Variants in MAST2 observed in about 807,000 individuals in gnomAD.
The protein encoded by MAST2 is microtubule associated serine/threonine kinase 2, also known as microtubule-associated serine/threonine-protein kinase 2.
A neutral mutation model predicts 147.4 loss-of-function variants in MAST2; 70 were observed. That is an observed-to-expected ratio of 0.47 (90% CI 0.39 to 0.58). The LOEUF is 0.58. MAST2 is among the 20% of genes least tolerant of loss of function. MAST2 has a pLI of 0.00. For missense variants in MAST2, 2,080 were observed against 2,302.3 expected (o/e 0.90, Z 1.98); for synonymous variants, 869 against 896.8 (o/e 0.97, Z 0.55).
chr1:45,836,239 C>G (rs1645098082), intron 3 of MAST2, among the ~76,000 whole-genome samples: 1 of 152,222 alleles, frequency 6.6e-6, no homozygotes, highest in Non-Finnish European at 1.5e-5. Context: ...TCCAGTTTCA[C>G]TGCATCCTTG....
chr1:45,896,565 G>A (rs1444461057), intron 4 of MAST2, among the ~76,000 whole-genome samples: 2 of 152,094 alleles, frequency 1.3e-5, no homozygotes, highest in African/African-American at 4.8e-5. Flanking sequence ...GGTGTAGGGT[G>A]GAACTCTCTC....
intron 3 of MAST2, among the ~76,000 whole-genome samples, chr1:45,849,715 A>G (rs952818852): frequency 5.9e-5 from 9 of 152,176 alleles, no homozygotes; most frequent in African/African-American, 2.2e-4. Context: ...TTTAGTAGAG[A>G]TGGGGTTTCA....
chr1:45,905,667 T>G (rs1462107681), intron 4 of MAST2, among the ~76,000 whole-genome samples: 1 of 151,888 alleles, frequency 6.6e-6, no homozygotes, highest in Non-Finnish European at 1.5e-5. Context: ...TCCCAGCTAC[T>G]TGGGAGGCTG....
intron 4 of MAST2, among the ~76,000 whole-genome samples, chr1:45,896,042 A>AT (rs71062724): frequency 1.5e-5 from 2 of 129,342 alleles, no homozygotes; most frequent in Non-Finnish European, 1.7e-5. Context: ...TATTTCTTAG[A>AT]TTTTTTTTTT....
Position 46,023,226 on chromosome 1 carries a change from C to T in MAST2, c.1486-7C>T, listed in dbSNP as rs1452920738. ...GCCTGTCTCCTGCCTTTTCCCTTGT[C>T]TTCCAGGGCCATGGGGCATCTCTGC... On this transcript the variant is annotated splice_polypyrimidine_tract_variant and splice_region_variant and intron_variant, in intron 13 of 28. Transcript: ENST00000361297. The surrounding 1 kb of genome is among the most constrained non-coding windows in gnomAD (Gnocchi z 4.9). 1.2e-6 allele frequency: 2 copies of T among 1,613,386 alleles called. No individual in the cohort carries two copies. The highest frequency in any genetic ancestry group is 1.7e-6 in the Non-Finnish European group (2 of 1,179,286).
intron 3 of MAST2, among the ~76,000 whole-genome samples, chr1:45,872,575 G>T (rs1470483411): frequency 6.6e-6 from 1 of 151,822 alleles, no homozygotes; most frequent in Admixed American, 6.6e-5. Context: ...CCACTTGCTG[G>T]GTTCAAGAGA....
intron 5 of MAST2, 103 bp downstream of exon 5, chr1:45,959,580 A>G (rs1660116359): frequency 2.1e-6 from 2 of 946,478 alleles, no homozygotes; most frequent in Non-Finnish European, 3.2e-6. Context: ...TTACATTGTC[A>G]CTTTACTTGG....
chr1:46,013,581 G>A (rs992476334), intron 10 of MAST2, among the ~76,000 whole-genome samples: 1 of 152,020 alleles, frequency 6.6e-6, no homozygotes, highest in African/African-American at 2.4e-5. Context: ...TCGGGAGGCT[G>A]AGGCAGGAGA....
At chr1:45,871,822 C>T (rs1437087593) in intron 3 of MAST2, among the ~76,000 whole-genome samples, 1 of 152,188 alleles carries the variant, frequency 6.6e-6, no homozygotes, top group African/African-American at 2.4e-5. Context: ...ATGTTAGTTA[C>T]ATTATGTGGG....
chr1:45,965,778 T>C (rs1221120845), intron 5 of MAST2, among the ~76,000 whole-genome samples: 1 of 152,052 alleles, frequency 6.6e-6, no homozygotes, highest in East Asian at 1.9e-4. Flanking sequence ...TTGAGGAAGA[T>C]ACTGAGATAA....
intron 5 of MAST2, among the ~76,000 whole-genome samples, chr1:45,968,995 A>G (rs1410910003): frequency 6.6e-6 from 1 of 152,052 alleles, no homozygotes; most frequent in Non-Finnish European, 1.5e-5. Context: ...GAGCCCATCA[A>G]AGGCATTCTT....
At chr1:46,016,074 C>A (rs1247185651) in intron 10 of MAST2, among the ~76,000 whole-genome samples, 1 of 151,696 alleles carries the variant, frequency 6.6e-6, no homozygotes, top group Non-Finnish European at 1.5e-5. Context: ...AAGACAAAAA[C>A]CACATGATTA....
At chr1:45,808,486 G>A (rs1337216863) in intron 1 of MAST2, among the ~76,000 whole-genome samples, 1 of 152,178 alleles carries the variant, frequency 6.6e-6, no homozygotes, top group East Asian at 1.9e-4. Flanking sequence ...TAGGATTACA[G>A]GCGTGAGCCA....
chr1:45,870,392 T>A (rs1646335070), intron 3 of MAST2, among the ~76,000 whole-genome samples: 2 of 152,096 alleles, frequency 1.3e-5, no homozygotes, highest in Admixed American at 6.5e-5. Flanking sequence ...TTCAGTTTTT[T>A]AAAATGCTCA....
chr1:45,898,396 T>A (rs1649133740), intron 4 of MAST2, among the ~76,000 whole-genome samples: 1 of 152,238 alleles, frequency 6.6e-6, no homozygotes, highest in Non-Finnish European at 1.5e-5. Context: ...ACTATTACTC[T>A]AAGGAGGATA....
intron 1 of MAST2, 47 bp downstream of exon 1, chr1:45,804,119 G>T: frequency 1.6e-6 from 2 of 1,271,560 alleles, no homozygotes; most frequent in Non-Finnish European, 2.0e-6. Context: ...TGGAAGCCGT[G>T]GGGGAGGGGA....
chr1:45,947,306 TAAAAAAAAAAAA>T (rs55827908), intron 4 of MAST2, among the ~76,000 whole-genome samples: 3 of 112,670 alleles, frequency 2.7e-5, no homozygotes, highest in East Asian at 2.6e-4. Flanking sequence ...TGATGAGCTT[TAAAAAAAAAAAA>T]AAAAAAAAAA....
At chr1:45,970,111 C>A (rs1427410593) in intron 5 of MAST2, among the ~76,000 whole-genome samples, 4 of 152,210 alleles carry the variant, frequency 2.6e-5, no homozygotes, top group Non-Finnish European at 5.9e-5. Flanking sequence ...TTGTTAAGAA[C>A]AGAATGCTCC....
At chr1:45,847,458 A>G (rs976540276) in intron 3 of MAST2, 7 of 611,814 alleles carry the variant, frequency 1.1e-5, no homozygotes, top group African/African-American at 3.8e-5. Context: ...TTTTTCACCA[A>G]TAAGATTGAA....
Sources: gnomAD v4.1 joint callset for allele counts (sites outside exome capture counted in the v4.1 genomes callset) on GRCh38, gnomAD v4.1.1 for gene constraint, Gnocchi (gnomAD v3.1) non-coding constraint, MANE v1.5 for transcripts, NCBI Gene and HGNC (gene_info 2026-07-23, HGNC 2026-07-21) for gene names.